The following SNTB1 variants were observed in gnomAD, a reference collection of about 807,000 sequenced individuals.
The protein encoded by SNTB1 is beta-1-syntrophin.
A neutral mutation model predicts 48.9 loss-of-function variants in SNTB1; 36 were observed. That is an observed-to-expected ratio of 0.74 (90% confidence interval 0.56 to 0.97). The LOEUF (loss-of-function observed/expected upper bound fraction) is 0.97, where lower values mean the gene tolerates loss of function less well. Among genes scored for constraint, SNTB1 ranks in the 50% least tolerant of loss-of-function variants. The pLI is 0.00. For synonymous variants in SNTB1, 299 were observed against 294.6 expected (o/e 1.01, Z -0.15); for missense variants, 786 against 703.4 (o/e 1.12, Z -1.33).
chr8:120,574,985 G>C, intron 4 of SNTB1, 101 bp downstream of exon 4: 1 of 1,443,808 alleles, frequency 6.9e-7, no homozygotes, highest in Non-Finnish European at 9.6e-7. Context: ...CTCAGCCCCT[G>C]CTGCAATAGT....
chr8:120,648,959 C>T (rs578089858), intron 2 of SNTB1, among the ~76,000 whole-genome samples: 2,133 of 150,714 alleles, frequency 0.014, 62 homozygotes, highest in African/African-American at 0.048. Flanking sequence ...TTGATCGCAT[C>T]GGCTCCTGAG....
At chr8:120,625,641 C>T (rs1425720214) in intron 3 of SNTB1, among the ~76,000 whole-genome samples, 1 of 152,188 alleles carries the variant, frequency 6.6e-6, no homozygotes, top group Non-Finnish European at 1.5e-5. Context: ...GGAAGATTCC[C>T]AAGCTGCTGC....
Position 120,538,972 on chromosome 8 carries a change from G to A in SNTB1, c.1525-3C>T. 1 of 1,605,636 alleles carries A rather than the reference G, an allele frequency of 6.2e-7. No individual in the cohort carries two copies. Among genetic ancestry groups the A allele is most frequent in the East Asian group, 2.2e-5 (1 of 44,832 alleles). On this transcript the variant is annotated splice_polypyrimidine_tract_variant and splice_region_variant and intron_variant, in intron 6 of 6. Coordinates refer to ENST00000517992, the MANE Select transcript of SNTB1 (RefSeq NM_021021.4). ...GGGCAGGAATGAAGGTCCAGTTGCT[G>A]AAATTTAAAAAGAAGAGAGCATGAG...
rs570048441 is a variant in SNTB1 at position 120,708,457 on chromosome 8, G to A, written c.572-14549C>T. ...AAAGAGTCTCCCCAAATTATTCCAC[G>A]AAGCTAATATAACTTTAATAACAAA... On this transcript the variant is annotated intron_variant, in intron 1 of 6. Coordinates refer to ENST00000517992, the MANE Select transcript of SNTB1 (RefSeq NM_021021.4). Among the ~76,000 whole-genome samples, 238 of 151,984 alleles carry A rather than the reference G, an allele frequency of 1.6e-3. 1 individual carries two copies. The highest frequency in any genetic ancestry group is 5.4e-3 in the African/African-American group (223 of 41,510).
chr8:120,693,964 A>C, intron 1 of SNTB1, 56 bp from the exon 2 acceptor site: 3 of 1,351,380 alleles, frequency 2.2e-6, no homozygotes, highest in Non-Finnish European at 3.2e-6. Flanking sequence ...ATTTCTGGGA[A>C]GTCTGATTGT....
chr8:120,753,678 C>T (rs1354758260), intron 1 of SNTB1, among the ~76,000 whole-genome samples: 1 of 152,134 alleles, frequency 6.6e-6, no homozygotes, highest in Non-Finnish European at 1.5e-5. Context: ...CAGATAAGAT[C>T]AGAGAAGCAT....
intron 1 of SNTB1, among the ~76,000 whole-genome samples, chr8:120,747,636 A>T (rs1014800749): frequency 1.3e-5 from 2 of 152,188 alleles, no homozygotes; most frequent in Admixed American, 6.5e-5. Context: ...GAACACATGG[A>T]CACATAGAGG....
At chr8:120,545,098 C>T (rs4465012) in intron 5 of SNTB1, among the ~76,000 whole-genome samples, 20,734 of 152,140 alleles carry the variant, frequency 0.14, 2,598 homozygotes, top group African/African-American at 0.33. Flanking sequence ...AATCCCAGCA[C>T]TTTGGGAGGC....
intron 1 of SNTB1, among the ~76,000 whole-genome samples, chr8:120,777,893 TG>T (rs1211099596): frequency 1.3e-5 from 2 of 152,208 alleles, no homozygotes; most frequent in Non-Finnish European, 2.9e-5. Context: ...TGAAAGTAAC[TG>T]AAGTAATAAG....
intron 1 of SNTB1, among the ~76,000 whole-genome samples, chr8:120,762,732 A>G (rs1819443536): frequency 6.6e-6 from 1 of 152,186 alleles, no homozygotes; most frequent in African/African-American, 2.4e-5. Flanking sequence ...CTTTGGGAAC[A>G]GGTACCTTGT....
chr8:120,676,129 G>A (rs1817829020), intron 2 of SNTB1, among the ~76,000 whole-genome samples: 1 of 152,300 alleles, frequency 6.6e-6, no homozygotes, highest in South Asian at 2.1e-4. Flanking sequence ...GTGACTATGG[G>A]TAGTTTAAGT....
chr8:120,736,328 A>G (rs749518415), intron 1 of SNTB1, among the ~76,000 whole-genome samples: 4 of 152,140 alleles, frequency 2.6e-5, no homozygotes, highest in Non-Finnish European at 2.9e-5. Flanking sequence ...ATCATGGAAA[A>G]TTGGAGAGAT....
At chr8:120,700,156 C>CGT (rs58077307) in intron 1 of SNTB1, among the ~76,000 whole-genome samples, 35,632 of 149,160 alleles carry the variant, frequency 0.24, 7,090 homozygotes, top group African/African-American at 0.53. Flanking sequence ...AAAAAAATTG[C>CGT]GTGTGTGTGT....
rs1340884222 is a variant in SNTB1 at position 120,646,766 on chromosome 8, G to T, written c.789-14115C>A. Among the ~76,000 whole-genome samples the T allele has an allele frequency of 5.9e-5, 9 of 152,220 alleles. No homozygotes were observed. The South Asian group carries it at 8.3e-4, about 14-fold the overall frequency. On this transcript the variant is annotated intron_variant, in intron 2 of 6. Transcript: ENST00000517992. ...TACCAGTTCCTCCTTGTACCTCTGG[G>T]AGAATTCGGCTGTGAATCCATCTGG...
intron 2 of SNTB1, among the ~76,000 whole-genome samples, chr8:120,649,152 C>G (rs1817358606): frequency 6.6e-6 from 1 of 150,674 alleles, no homozygotes; most frequent in Non-Finnish European, 1.5e-5. Context: ...CGTCTGAAGC[C>G]TTCTTCTCTC....
chr8:120,593,031 G>A (rs1190363885), intron 3 of SNTB1, among the ~76,000 whole-genome samples: 1 of 152,054 alleles, frequency 6.6e-6, no homozygotes, highest in Non-Finnish European at 1.5e-5. Flanking sequence ...AAAGAAAAAG[G>A]GAGAATAAAA....
intron 1 of SNTB1, among the ~76,000 whole-genome samples, chr8:120,797,132 T>C (rs13251818): frequency 1.3e-5 from 2 of 152,068 alleles, no homozygotes; most frequent in Admixed American, 1.3e-4. Flanking sequence ...TAGAAACTTA[T>C]ATTTATTTTT....
chr8:120,647,590 G>C (rs1817321338), intron 2 of SNTB1, among the ~76,000 whole-genome samples: 1 of 147,584 alleles, frequency 6.8e-6, no homozygotes, highest in African/African-American at 2.5e-5. Flanking sequence ...TTCCCAGTAT[G>C]TGGTCAATTT....
chr8:120,671,092 T>A (rs941053168), intron 2 of SNTB1, among the ~76,000 whole-genome samples: 2 of 152,236 alleles, frequency 1.3e-5, no homozygotes, highest in African/African-American at 4.8e-5. Flanking sequence ...CTGCTGAAAC[T>A]GCAGATTTCC....
Sources: gnomAD v4.1 joint callset for allele counts (sites outside exome capture counted in the v4.1 genomes callset) on GRCh38, gnomAD v4.1.1 for gene constraint, MANE v1.5 for transcripts, NCBI Gene and HGNC (gene_info 2026-07-23, HGNC 2026-07-21) for gene names.